PRKCE: variants seen among roughly 807,000 people sequenced by gnomAD.
PRKCE encodes the protein protein kinase C epsilon.
Under a neutral mutation model 85.4 loss-of-function variants are expected in PRKCE, and 16 were observed. That is an observed-to-expected ratio of 0.19 (90% CI 0.13 to 0.28). The LOEUF (loss-of-function observed/expected upper bound fraction) is 0.28. PRKCE is among the 10% of genes least tolerant of loss of function. The pLI, the probability that PRKCE is intolerant of heterozygous loss-of-function variation, is 1.00. For synonymous variants in PRKCE, 388 were observed against 371.5 expected (o/e 1.04, Z -0.51); for missense variants, 573 against 975.2 (o/e 0.59, Z 5.49).
intron 1 of PRKCE, among the ~76,000 whole-genome samples, chr2:45,670,767 G>C (rs1391069354): frequency 6.6e-6 from 1 of 152,226 alleles, no homozygotes; most frequent in African/African-American, 2.4e-5. Flanking sequence ...TTGTAGAGGA[G>C]GTGGCTTTTG....
chr2:45,750,921 C>T (rs1683507553), intron 1 of PRKCE, among the ~76,000 whole-genome samples: 1 of 152,168 alleles, frequency 6.6e-6, no homozygotes, highest in Non-Finnish European at 1.5e-5. Flanking sequence ...AGAATATTAT[C>T]ACCAGAGTGT....
intron 1 of PRKCE, among the ~76,000 whole-genome samples, chr2:45,660,889 C>T (rs983448015): frequency 6.6e-6 from 1 of 152,144 alleles, no homozygotes; most frequent in Non-Finnish European, 1.5e-5. Flanking sequence ...CAGGAACATA[C>T]AATTCATCGT....
intron 2 of PRKCE, among the ~76,000 whole-genome samples, chr2:45,870,706 C>T (rs1399895019): frequency 3.9e-5 from 6 of 152,306 alleles, no homozygotes; most frequent in African/African-American, 1.2e-4. Flanking sequence ...TGTTCAAATC[C>T]AGTTTCTATC....
chr2:45,653,394 T>TTTTTTTC (rs1294874628), intron 1 of PRKCE, among the ~76,000 whole-genome samples: 1 of 141,904 alleles, frequency 7.0e-6, no homozygotes, highest in African/African-American at 2.8e-5. Context: ...TTTTTTTTTT[T>TTTTTTTC]TCTCTCTTCT....
At chr2:46,045,259 G>A (rs895453822) in intron 10 of PRKCE, among the ~76,000 whole-genome samples, 6 of 152,226 alleles carry the variant, frequency 3.9e-5, no homozygotes, top group Admixed American at 6.5e-5. Flanking sequence ...ACACCCTCAT[G>A]TGTGAATAAG....
chr2:45,995,192 A>T (rs1704117866), intron 6 of PRKCE, among the ~76,000 whole-genome samples: 1 of 152,020 alleles, frequency 6.6e-6, no homozygotes. Flanking sequence ...GGCATATATT[A>T]TCATATATGT....
intron 1 of PRKCE, among the ~76,000 whole-genome samples, chr2:45,746,361 C>G (rs142333876): frequency 4.1e-4 from 62 of 152,358 alleles, no homozygotes; most frequent in African/African-American, 1.4e-3. Flanking sequence ...CCCAAATCTG[C>G]TCCTCCTGCA....
At chr2:46,134,979 G>A (rs931173992) in intron 11 of PRKCE, among the ~76,000 whole-genome samples, 7 of 152,222 alleles carry the variant, frequency 4.6e-5, no homozygotes, top group Admixed American at 2.0e-4. Context: ...CATGCAATCA[G>A]ATAAGCAATT....
intron 2 of PRKCE, among the ~76,000 whole-genome samples, chr2:45,968,835 A>G (rs1701910559): frequency 6.6e-6 from 1 of 151,996 alleles, no homozygotes; most frequent in African/African-American, 2.4e-5. Flanking sequence ...GACTGGCCAG[A>G]AAATGTGGTC....
At chr2:45,664,519 C>A (rs1022886767) in intron 1 of PRKCE, among the ~76,000 whole-genome samples, 8 of 152,164 alleles carry the variant, frequency 5.3e-5, no homozygotes, top group Admixed American at 2.0e-4. Flanking sequence ...GCCAGTAAAA[C>A]CTTTCCAGTC....
chr2:45,930,993 A>G (rs960543986), intron 2 of PRKCE, among the ~76,000 whole-genome samples: 1 of 152,070 alleles, frequency 6.6e-6, no homozygotes, highest in Non-Finnish European at 1.5e-5. Flanking sequence ...CTGATCCTTC[A>G]TTTCCTCCTG....
chr2:45,712,199 G>A (rs1192565183), intron 1 of PRKCE, among the ~76,000 whole-genome samples: 2 of 134,900 alleles, frequency 1.5e-5, no homozygotes, highest in Non-Finnish European at 3.1e-5. Flanking sequence ...CCAGGCTGGA[G>A]TGCAGTGGTG....
At chr2:46,144,076 G>A (rs1018650902) in intron 11 of PRKCE, among the ~76,000 whole-genome samples, 11 of 152,190 alleles carry the variant, frequency 7.2e-5, no homozygotes, top group South Asian at 2.1e-4. Context: ...CTTCTACCGT[G>A]TCAGGGCTGT....
intron 1 of PRKCE, among the ~76,000 whole-genome samples, chr2:45,807,873 A>G (rs1047686815): frequency 6.6e-6 from 1 of 151,626 alleles, no homozygotes; most frequent in Non-Finnish European, 1.5e-5. Context: ...CCCGATTTCT[A>G]CTTTCTCTCC....
At chr2:45,729,586 C>T (rs1407309136) in intron 1 of PRKCE, among the ~76,000 whole-genome samples, 1 of 152,166 alleles carries the variant, frequency 6.6e-6, no homozygotes, top group Non-Finnish European at 1.5e-5. Context: ...CCCTTGGCTT[C>T]TGAAAATTTT....
chr2:45,916,291 G>A (rs1697771187), intron 2 of PRKCE, among the ~76,000 whole-genome samples: 1 of 149,294 alleles, frequency 6.7e-6, no homozygotes, highest in South Asian at 2.1e-4. Context: ...GCAGGCTGGA[G>A]TGTAGTGGTG....
At chr2:45,931,534 C>T (rs148865003) in intron 2 of PRKCE, among the ~76,000 whole-genome samples, 34 of 152,324 alleles carry the variant, frequency 2.2e-4, no homozygotes, top group Admixed American at 4.6e-4. Flanking sequence ...GAGCCACATG[C>T]ATTCTTTTGC....
rs776305839 is a variant in PRKCE, at chr2:46,004,452, G to T, written c.967-90G>T. The stretch of plus-strand genomic sequence containing the variant: ...TCCTGCTGCTCTGGGAACTCTCATG[G>T]CTCTTATACGGCATCTTGATGCTTT... On this transcript the variant is annotated intron_variant, in intron 7 of 14. Coordinates refer to ENST00000306156, the MANE Select transcript of PRKCE (RefSeq NM_005400.3). The surrounding 1 kb of genome is among the most constrained non-coding windows in gnomAD (Gnocchi z 4.1). 23 of 1,066,434 alleles carry T rather than the reference G, an allele frequency of 2.2e-5. No homozygotes were observed. The highest frequency in any genetic ancestry group is 3.2e-5 in the Non-Finnish European group (23 of 722,692). 66.1% of individuals were successfully genotyped at this position (1,066,434 alleles called of 1,614,324 possible).
Position 45,819,108 on chromosome 2 carries a change from A to G in PRKCE, c.349-23892A>G, listed in dbSNP as rs1014346897. Among the ~76,000 whole-genome samples the G allele has an allele frequency of 3.3e-5, 5 of 152,140 alleles. No homozygotes were observed. The East Asian group carries it at 9.6e-4, about 29-fold the overall frequency. On this transcript the variant is annotated intron_variant, in intron 1 of 14. Coordinates refer to ENST00000306156, the MANE Select transcript of PRKCE (RefSeq NM_005400.3). ...GGAGTAGGTATATTAATAACCAGGGAGATGCTGCTGCTGATGCTGATGGTA... is the reference window on the plus strand; with the variant it reads ...GGAGTAGGTATATTAATAACCAGGGGGATGCTGCTGCTGATGCTGATGGTA...
Sources: gnomAD v4.1 joint callset for allele counts (sites outside exome capture counted in the v4.1 genomes callset) on GRCh38, gnomAD v4.1.1 for gene constraint, Gnocchi (gnomAD v3.1) non-coding constraint, MANE v1.5 for transcripts, NCBI Gene and HGNC (gene_info 2026-07-23, HGNC 2026-07-21) for gene names.